The following SMOX variants were observed in gnomAD, a reference collection of about 807,000 sequenced individuals.
The protein encoded by SMOX is spermine oxidase.
A neutral mutation model predicts 51.0 loss-of-function variants in SMOX; 22 were observed. The observed-to-expected ratio is 0.43, with a 90% confidence interval of 0.31 to 0.62. The LOEUF is 0.62. SMOX is among the 20% of genes least tolerant of loss of function. The probability of loss-of-function intolerance (pLI) is 0.10; values close to 1 mark genes in which losing one functional copy is unlikely to be tolerated. For synonymous variants in SMOX, 282 were observed against 307.8 expected (o/e 0.92, Z 0.88); for missense variants, 566 against 777.7 (o/e 0.73, Z 3.24).
intron 1 of SMOX, among the ~76,000 whole-genome samples, chr20:4,152,018 C>G (rs1351737367): frequency 6.6e-6 from 1 of 152,134 alleles, no homozygotes; most frequent in Non-Finnish European, 1.5e-5. Context: ...TATTTTCTTT[C>G]CACAAAAGCA....
At chr20:4,169,232 A>G (rs1986716829) in intron 1 of SMOX, among the ~76,000 whole-genome samples, 1 of 152,024 alleles carries the variant, frequency 6.6e-6, no homozygotes, top group South Asian at 2.1e-4. Flanking sequence ...TTAACTCCTG[A>G]GCTCAAGTGA....
intron 1 of SMOX, among the ~76,000 whole-genome samples, chr20:4,151,499 C>T (rs936273508): frequency 2.6e-5 from 4 of 152,160 alleles, no homozygotes; most frequent in Non-Finnish European, 4.4e-5. Context: ...CTTATCTGGA[C>T]CACTGTCCCC....
At position 4,170,183 on chromosome 20, in the gene SMOX, T is replaced by A. The variant is rs991388202; in HGVS notation, c.-26-4847T>A. Among the ~76,000 whole-genome samples, 2 of 111,098 alleles carry A rather than the reference T, an allele frequency of 1.8e-5. No homozygotes were observed. Among genetic ancestry groups the A allele is most frequent in the Non-Finnish European group, 3.8e-5 (2 of 52,824 alleles). The allele number at this position is 111,098 out of a possible 152,430, so 72.9% of individuals were successfully genotyped here. On this transcript the variant is annotated intron_variant, in intron 1 of 6. Transcript: ENST00000305958. This position sits in a 1 kb window ranked among gnomAD's most constrained non-coding sequence, Gnocchi z 4.6. ...GGTGGGGGGGTGCTTCTGGCGCAGT[T>A]GGGGGTGGAGGTGACATGATTCAGG...
chr20:4,178,332 C>T (rs373364159), intron 3 of SMOX, among the ~76,000 whole-genome samples: 44 of 152,234 alleles, frequency 2.9e-4, no homozygotes, highest in African/African-American at 8.2e-4. Context: ...CCACTGCACC[C>T]GGCCTAATTT....
rs1393298773 is a variant in SMOX, at chr20:4,182,480, T to C, written c.1001T>C (p.Leu334Pro). 1 of 1,601,866 alleles carries C rather than the reference T, an allele frequency of 6.2e-7. No individual in the cohort carries two copies. The highest frequency in any genetic ancestry group is 8.5e-7 in the Non-Finnish European group (1 of 1,173,318). Residue 334 changes from leucine to proline, a missense_variant, in exon 5 of 7, where the codon CTA (leucine) becomes CCA (proline). Physicochemically the swap from Leu to Pro is moderately conservative, Grantham distance 98 (BLOSUM62 -3). Around this residue, in one of 3 missense-constraint regions of SMOX, gnomAD observed 347 missense variants for 481.8 expected, o/e 0.72. Transcript: ENST00000305958. This position sits in a 1 kb window ranked among gnomAD's most constrained non-coding sequence, Gnocchi z 8.4. ...PADHVIVTVS[L>P]GVLKRQYTSF... is the part of the protein sequence containing the mutation. The stretch of plus-strand genomic sequence containing the variant: ...GACCATGTGATTGTGACCGTGTCGC[T>C]AGGTGTGCTAAAGAGGCAGTACACC...
In SMOX at chr20:4,148,990, C is replaced by T. The variant is rs1442289726; in HGVS notation, c.-27+13C>T. On this transcript the variant is annotated intron_variant, in intron 1 of 6. Transcript: ENST00000305958. Reference sequence around the variant, plus strand: ...TCAGCAGGGAAAGGTACGGTGCGCCCGCTCTCCGGCCCCGGGCCCCGGCTC... The same window carrying T: ...TCAGCAGGGAAAGGTACGGTGCGCCTGCTCTCCGGCCCCGGGCCCCGGCTC... 6.6e-6 allele frequency: 1 copy of T among 151,704 alleles called. No homozygotes were observed. The highest frequency in any genetic ancestry group is 1.5e-5 in the Non-Finnish European group (1 of 67,856). The allele number at this position is 151,704 out of a possible 1,614,324, so 9.4% of individuals were successfully genotyped here. A position where few individuals can be genotyped will look rare whatever the true frequency, so the allele number is the denominator to read the frequency against.
chr20:4,185,223 C>G (rs1979642004), intron 6 of SMOX, among the ~76,000 whole-genome samples: 1 of 152,114 alleles, frequency 6.6e-6, no homozygotes, highest in Non-Finnish European at 1.5e-5. Flanking sequence ...TGGGAGTGGT[C>G]CCAGCTACTT....
intron 1 of SMOX, among the ~76,000 whole-genome samples, chr20:4,169,765 G>A (rs777979469): frequency 5.9e-5 from 9 of 152,130 alleles, no homozygotes; most frequent in Non-Finnish European, 1.2e-4. Context: ...GGCCTTGCTG[G>A]TGGTTCGAGC....
At chr20:4,157,535 T>C (rs936125334) in intron 1 of SMOX, among the ~76,000 whole-genome samples, 1 of 152,000 alleles carries the variant, frequency 6.6e-6, no homozygotes, top group Non-Finnish European at 1.5e-5. Context: ...CAGAGGATCC[T>C]GGTGGGTGTG....
intron 1 of SMOX, among the ~76,000 whole-genome samples, chr20:4,155,416 G>T (rs953597809): frequency 9.8e-5 from 8 of 81,308 alleles, no homozygotes; most frequent in South Asian, 2.8e-4. Context: ...ACGTGGGAGT[G>T]GGGGGGGCCT....
chr20:4,187,263 C>T lies in SMOX; in HGVS notation c.1531-7C>T, dbSNP rs764714023. ...TCCACCCTGACCTCCCCATCCCCGCCCCGCAGCCCATGCAGGTGCTGTTTT... is the reference window on the plus strand; with the variant it reads ...TCCACCCTGACCTCCCCATCCCCGCTCCGCAGCCCATGCAGGTGCTGTTTT... On this transcript the variant is annotated splice_region_variant and splice_polypyrimidine_tract_variant and intron_variant, in intron 6 of 6. Transcript: ENST00000305958. The surrounding 1 kb of genome is among the most constrained non-coding windows in gnomAD (Gnocchi z 4.8). 6.2e-6 allele frequency: 10 copies of T among 1,611,570 alleles called. No individual in the cohort carries two copies. In the African/African-American group the frequency reaches 1.2e-4, roughly 19 times the overall value.
chr20:4,154,354 C>T (rs1172934117), intron 1 of SMOX, among the ~76,000 whole-genome samples: 3 of 151,912 alleles, frequency 2.0e-5, no homozygotes, highest in Non-Finnish European at 4.4e-5. Flanking sequence ...GGGGTGAGGC[C>T]TGTGACTCCG....
chr20:4,171,784 GAC>G (rs1288481026), intron 1 of SMOX: 1 of 152,260 alleles, frequency 6.6e-6, no homozygotes, highest in Non-Finnish European at 1.5e-5. Context: ...TTGTTCCAAA[GAC>G]AGTCTGCTCA....
rs1985866513 is a variant in SMOX, at chr20:4,153,594, GA to G, written c.-27+4619del. ...CACAGGGATGGGGTCTGTTTTCTCT[GA>G]ATTCTGAGCCCCAGAGTTGAGGGGA... is the stretch of plus-strand genomic sequence containing the variant. On this transcript the variant is annotated intron_variant, in intron 1 of 6. Coordinates refer to ENST00000305958, the MANE Select transcript of SMOX (RefSeq NM_175839.3). The surrounding 1 kb of genome is among the most constrained non-coding windows in gnomAD (Gnocchi z 4.4). Among the ~76,000 whole-genome samples the G allele has an allele frequency of 6.6e-6, 1 of 152,136 alleles. No homozygotes were observed. Among genetic ancestry groups the G allele is most frequent in the Non-Finnish European group, 1.5e-5 (1 of 68,030 alleles).
chr20:4,180,225 C>T (rs1424376839), intron 3 of SMOX, among the ~76,000 whole-genome samples: 3 of 152,216 alleles, frequency 2.0e-5, no homozygotes, highest in Non-Finnish European at 4.4e-5. Flanking sequence ...CCCTCACTTT[C>T]TTCTTTATAA....
chr20:4,152,473 G>A (rs1346864753), intron 1 of SMOX, among the ~76,000 whole-genome samples: 1 of 152,126 alleles, frequency 6.6e-6, no homozygotes, highest in Non-Finnish European at 1.5e-5. Context: ...AGAGCCAGGG[G>A]ACCTCAGATC....
intron 1 of SMOX, among the ~76,000 whole-genome samples, chr20:4,152,816 A>T (rs1985827350): frequency 6.6e-6 from 1 of 152,248 alleles, no homozygotes; most frequent in Admixed American, 6.5e-5. Flanking sequence ...ACTGAGGCAC[A>T]GTCATACAGC....
intron 3 of SMOX, among the ~76,000 whole-genome samples, chr20:4,178,786 C>T (rs936380040): frequency 4.0e-5 from 6 of 151,710 alleles, no homozygotes; most frequent in African/African-American, 1.2e-4. Flanking sequence ...CAGGTTCAAG[C>T]GATTCTCCTG....
At chr20:4,161,983 C>T (rs531962628) in intron 1 of SMOX, among the ~76,000 whole-genome samples, 12 of 152,256 alleles carry the variant, frequency 7.9e-5, no homozygotes, top group African/African-American at 1.4e-4. Flanking sequence ...CTCCCACTCA[C>T]GGCGGCAGCC....
Sources: allele counts gnomAD v4.1 joint callset (sites outside exome capture counted in the v4.1 genomes callset), GRCh38; gene constraint gnomAD v4.1.1; regional missense constraint gnomAD v4.1.1; non-coding constraint Gnocchi (gnomAD v3.1); transcripts MANE v1.5; gene names NCBI Gene and HGNC (gene_info 2026-07-23, HGNC 2026-07-21).